The following KIAA1217 variants were observed in gnomAD, a reference collection of about 807,000 sequenced individuals.
KIAA1217 encodes the protein KIAA1217.
KIAA1217 carries 88 observed loss-of-function variants against 163.9 expected under a neutral mutation model. That is an observed-to-expected ratio of 0.54 (90% CI 0.45 to 0.64). The LOEUF (loss-of-function observed/expected upper bound fraction) is 0.64, where lower values mean the gene tolerates loss of function less well. Ranked by LOEUF, KIAA1217 falls within the 30% of genes least tolerant of loss-of-function variation. KIAA1217 has a pLI of 0.00. For missense variants in KIAA1217, 2,372 were observed against 2,475.0 expected, an observed-to-expected ratio of 0.96 and a Z score of 0.88; for synonymous variants, 903 against 923.1, an observed-to-expected ratio of 0.98 and a Z score of 0.39.
At chr10:23,706,632 T>TAAAATCCTTTTCATATGTTGC (rs1398461585) in intron 1 of KIAA1217, among the ~76,000 whole-genome samples, 1 of 152,242 alleles carries the variant, frequency 6.6e-6, no homozygotes, top group African/African-American at 2.4e-5. Context: ...GATTATGTTG[T>TAAAATCCTTTTCATATGTTGC]ACAATCCTTT....
intron 2 of KIAA1217, among the ~76,000 whole-genome samples, chr10:24,087,034 G>C (rs909553070): frequency 6.6e-6 from 1 of 152,162 alleles, no homozygotes; most frequent in African/African-American, 2.4e-5. Context: ...CAGAAGACTC[G>C]TGTGATATTC....
chr10:23,791,299 T>G (rs989466891), intron 1 of KIAA1217, among the ~76,000 whole-genome samples: 1 of 152,198 alleles, frequency 6.6e-6, no homozygotes, highest in Non-Finnish European at 1.5e-5. Context: ...TAAGCCCATA[T>G]GTATACCTCA....
intron 3 of KIAA1217, among the ~76,000 whole-genome samples, chr10:24,383,791 G>A (rs948462021): frequency 2.0e-5 from 3 of 152,316 alleles, no homozygotes; most frequent in African/African-American, 4.8e-5. Context: ...GCCCTTGACC[G>A]CCTCTTTGTG....
At chr10:24,485,052 T>G (rs145156656) in intron 6 of KIAA1217, among the ~76,000 whole-genome samples, 1 of 150,366 alleles carries the variant, frequency 6.7e-6, no homozygotes, top group Non-Finnish European at 1.5e-5. Context: ...CAGGCCTGGG[T>G]GGGACTGAGC....
chr10:24,395,413 A>G (rs1335640894), intron 3 of KIAA1217, among the ~76,000 whole-genome samples: 2 of 152,170 alleles, frequency 1.3e-5, no homozygotes, highest in African/African-American at 2.4e-5. Context: ...TTCCCACACC[A>G]GTGTCCTGCC....
At chr10:24,122,797 AG>A (rs2063331462) in intron 2 of KIAA1217, among the ~76,000 whole-genome samples, 1 of 152,092 alleles carries the variant, frequency 6.6e-6, no homozygotes, top group African/African-American at 2.4e-5. Flanking sequence ...ATGTTTTAAA[AG>A]TACTATTTAT....
At chr10:23,868,412 A>G (rs1840297531) in intron 1 of KIAA1217, among the ~76,000 whole-genome samples, 1 of 152,144 alleles carries the variant, frequency 6.6e-6, no homozygotes, top group Admixed American at 6.6e-5. Context: ...CATTGTGCCC[A>G]GGGCTCTAAG....
chr10:23,909,198 A>G (rs878889794), intron 1 of KIAA1217, among the ~76,000 whole-genome samples: 1 of 152,006 alleles, frequency 6.6e-6, no homozygotes, highest in Non-Finnish European at 1.5e-5. Context: ...TTGCAGACTC[A>G]GGGGGAAATG....
chr10:24,177,532 A>G (rs971704507), intron 2 of KIAA1217, among the ~76,000 whole-genome samples: 10 of 151,564 alleles, frequency 6.6e-5, no homozygotes, highest in Non-Finnish European at 8.8e-5. Flanking sequence ...ATACCCAGTA[A>G]TGGGATTGCT....
chr10:23,721,524 G>A (rs1837872996), intron 1 of KIAA1217, among the ~76,000 whole-genome samples: 2 of 150,818 alleles, frequency 1.3e-5, no homozygotes, highest in Admixed American at 6.6e-5. Flanking sequence ...TTTCACTGCT[G>A]GTGGTATTCC....
At chr10:24,533,601 A>C (rs2073464651) in intron 16 of KIAA1217, among the ~76,000 whole-genome samples, 1 of 152,260 alleles carries the variant, frequency 6.6e-6, no homozygotes, top group Non-Finnish European at 1.5e-5. Context: ...ACTGAAGGAC[A>C]CGTTACGTGG....
intron 2 of KIAA1217, among the ~76,000 whole-genome samples, chr10:24,169,272 G>A (rs1191913733): frequency 6.6e-6 from 1 of 152,184 alleles, no homozygotes; most frequent in East Asian, 1.9e-4. Context: ...AAAAGTTTAT[G>A]AGGCCTCAAT....
chr10:24,354,362 A>G (rs1270888872), intron 2 of KIAA1217, among the ~76,000 whole-genome samples: 2 of 152,190 alleles, frequency 1.3e-5, no homozygotes, highest in African/African-American at 4.8e-5. Context: ...GGGCAGGTGC[A>G]GGAGCCGGGG....
At chr10:24,104,195 C>A (rs2062530807) in intron 2 of KIAA1217, among the ~76,000 whole-genome samples, 1 of 152,132 alleles carries the variant, frequency 6.6e-6, no homozygotes, top group Non-Finnish European at 1.5e-5. Context: ...AAACTTCTAT[C>A]CACATAAAAC....
intron 1 of KIAA1217, among the ~76,000 whole-genome samples, chr10:23,742,534 A>G (rs1839177314): frequency 6.6e-6 from 1 of 152,174 alleles, no homozygotes; most frequent in South Asian, 2.1e-4. Context: ...GGCAAAGCAG[A>G]AGCAGGCACA....
chr10:24,144,210 C>T (rs1436804229), intron 2 of KIAA1217, among the ~76,000 whole-genome samples: 1 of 152,194 alleles, frequency 6.6e-6, no homozygotes, highest in Admixed American at 6.5e-5. Context: ...AAGGGGCTAC[C>T]TTCTCCATGT....
At chr10:24,423,423 T>G (rs1446315660) in intron 3 of KIAA1217, among the ~76,000 whole-genome samples, 1 of 152,106 alleles carries the variant, frequency 6.6e-6, no homozygotes, top group African/African-American at 2.4e-5. Context: ...TAGCTGGAAT[T>G]ACAGGCGCAC....
At chr10:24,255,983 G>C (rs2075108122) in intron 2 of KIAA1217, among the ~76,000 whole-genome samples, 1 of 134,190 alleles carries the variant, frequency 7.5e-6, no homozygotes, top group African/African-American at 2.8e-5. Context: ...TGTGGGATCA[G>C]ATTTAGAAAT....
chr10:23,905,104 C>G (rs1274586749), intron 1 of KIAA1217, among the ~76,000 whole-genome samples: 1 of 138,714 alleles, frequency 7.2e-6, no homozygotes, highest in South Asian at 2.4e-4. Flanking sequence ...TAATCACTTA[C>G]CATATGGCCG....
Sources: gnomAD v4.1 joint callset for allele counts (sites outside exome capture counted in the v4.1 genomes callset) on GRCh38, gnomAD v4.1.1 for gene constraint, MANE v1.5 for transcripts, NCBI Gene and HGNC (gene_info 2026-07-23, HGNC 2026-07-21) for gene names.